The following BNC2 variants were observed in gnomAD, a reference collection of about 807,000 sequenced individuals.
The protein encoded by BNC2 is basonuclin zinc finger protein 2, also known as zinc finger protein basonuclin-2.
A neutral mutation model predicts 76.3 loss-of-function variants in BNC2; 20 were observed. The observed-to-expected ratio is 0.26, with a 90% CI of 0.18 to 0.38. The LOEUF is 0.38. BNC2 is among the 10% of genes least tolerant of loss of function. The pLI is 1.00. For synonymous variants in BNC2, 582 were observed against 514.8 expected (o/e 1.13, Z -1.77); for missense variants, 1,382 against 1,399.8 (o/e 0.99, Z 0.20).
intron 1 of BNC2, among the ~76,000 whole-genome samples, chr9:16,792,373 C>G (rs1312109047): frequency 6.6e-6 from 1 of 152,196 alleles, no homozygotes; most frequent in Non-Finnish European, 1.5e-5. Flanking sequence ...AACTTCATCA[C>G]TAACTTATCT....
At chr9:16,804,007 A>G (rs1817845749) in intron 1 of BNC2, among the ~76,000 whole-genome samples, 1 of 152,242 alleles carries the variant, frequency 6.6e-6, no homozygotes, top group African/African-American at 2.4e-5. Flanking sequence ...TTGTATAACA[A>G]TGAGCCTAAA....
At chr9:16,647,515 AG>A (rs1221545310) in intron 3 of BNC2, among the ~76,000 whole-genome samples, 9 of 152,156 alleles carry the variant, frequency 5.9e-5, no homozygotes, top group Non-Finnish European at 1.2e-4. Flanking sequence ...GAATGCAGAG[AG>A]AGTTTTTCTA....
At chr9:16,605,156 C>A (rs1361157937) in intron 3 of BNC2, among the ~76,000 whole-genome samples, 1 of 152,204 alleles carries the variant, frequency 6.6e-6, no homozygotes, top group African/African-American at 2.4e-5. Flanking sequence ...TGACCTCTAT[C>A]TAATTCACCA....
chr9:16,557,162 C>T (rs913581067), intron 4 of BNC2, among the ~76,000 whole-genome samples: 1 of 151,998 alleles, frequency 6.6e-6, no homozygotes, highest in African/African-American at 2.4e-5. Context: ...ATATTATGGG[C>T]CTAACCATCT....
chr9:16,849,682 C>T (rs1318524999), intron 1 of BNC2, among the ~76,000 whole-genome samples: 8 of 152,016 alleles, frequency 5.3e-5, no homozygotes, highest in Non-Finnish European at 2.9e-5. Flanking sequence ...GCATTTTACG[C>T]TGTGGAGAAG....
chr9:16,517,879 AG>A (rs1817487033), intron 5 of BNC2, among the ~76,000 whole-genome samples: 1 of 152,148 alleles, frequency 6.6e-6, no homozygotes, highest in East Asian at 1.9e-4. Flanking sequence ...AGATAATTGC[AG>A]AATTCTCAGC....
intron 3 of BNC2, among the ~76,000 whole-genome samples, chr9:16,694,048 T>C (rs1438077394): frequency 6.6e-6 from 1 of 152,124 alleles, no homozygotes; most frequent in Non-Finnish European, 1.5e-5. Context: ...AATGCTTTAT[T>C]TTGGGGGGAG....
rs79708891 is a variant in BNC2, at chr9:16,547,784, C to G, written c.669+4746G>C. On this transcript the variant is annotated intron_variant, in intron 5 of 6. Coordinates refer to ENST00000380672, the MANE Select transcript of BNC2 (RefSeq NM_017637.6). The stretch of plus-strand genomic sequence containing the variant: ...TGAGTGTGTTCAGAACTAAGTACTT[C>G]AAATGAGCTTGAAGGGAAGAGGTTA... Among the ~76,000 whole-genome samples, 45 of 152,242 alleles carry G rather than the reference C, an allele frequency of 3.0e-4. No homozygotes were observed. The East Asian group carries it at 4.6e-3, about 16-fold the overall frequency.
intron 3 of BNC2, among the ~76,000 whole-genome samples, chr9:16,677,938 T>C (rs1433793917): frequency 1.3e-5 from 2 of 152,220 alleles, no homozygotes; most frequent in Non-Finnish European, 2.9e-5. Context: ...TAAGTAATTA[T>C]AGATATAAAT....
chr9:16,849,097 T>C (rs930603355), intron 1 of BNC2, among the ~76,000 whole-genome samples: 5 of 152,160 alleles, frequency 3.3e-5, no homozygotes, highest in Non-Finnish European at 2.9e-5. Context: ...CAGGTTGTTC[T>C]AGCTTTCTTT....
intron 1 of BNC2, among the ~76,000 whole-genome samples, chr9:16,766,482 A>G (rs913257907): frequency 4.6e-5 from 7 of 152,168 alleles, no homozygotes; most frequent in Non-Finnish European, 7.4e-5. Flanking sequence ...ATGGGAACCC[A>G]GTTCCCACCC....
intron 3 of BNC2, among the ~76,000 whole-genome samples, chr9:16,656,102 G>A (rs1821921925): frequency 6.6e-6 from 1 of 152,198 alleles, no homozygotes; most frequent in Non-Finnish European, 1.5e-5. Context: ...GTAGCTATGA[G>A]TAGAGGTCAA....
At chr9:16,792,518 A>G (rs1817541166) in intron 1 of BNC2, among the ~76,000 whole-genome samples, 1 of 152,230 alleles carries the variant, frequency 6.6e-6, no homozygotes. Flanking sequence ...GTTTCTGGCA[A>G]AAGAACAAGG....
chr9:16,721,429 A>G (rs918398059), intron 3 of BNC2, among the ~76,000 whole-genome samples: 2 of 152,110 alleles, frequency 1.3e-5, no homozygotes, highest in Non-Finnish European at 2.9e-5. Context: ...GCCCAGCAAA[A>G]TGTAGAAGCC....
intron 3 of BNC2, among the ~76,000 whole-genome samples, chr9:16,661,640 A>G (rs1020489179): frequency 3.9e-5 from 6 of 152,210 alleles, no homozygotes; most frequent in African/African-American, 1.4e-4. Flanking sequence ...TTAAGCAGGC[A>G]TGAACATCTA....
intron 1 of BNC2, among the ~76,000 whole-genome samples, chr9:16,840,925 T>C (rs1256258112): frequency 1.3e-5 from 2 of 152,178 alleles, no homozygotes; most frequent in Admixed American, 6.5e-5. Context: ...TAGATAATAT[T>C]GTATCTAACA....
intron 1 of BNC2, among the ~76,000 whole-genome samples, chr9:16,794,565 C>G (rs1237055319): frequency 2.0e-5 from 3 of 152,162 alleles, no homozygotes. Context: ...TAGTCATTAT[C>G]ATCATCTAGG....
At chr9:16,585,872 G>T (rs1405398084) in intron 3 of BNC2, among the ~76,000 whole-genome samples, 1 of 151,874 alleles carries the variant, frequency 6.6e-6, no homozygotes, top group African/African-American at 2.4e-5. Flanking sequence ...ACCCTCTTCT[G>T]GGCACTCGGG....
At chr9:16,783,927 T>C (rs1301690062) in intron 1 of BNC2, among the ~76,000 whole-genome samples, 1 of 152,190 alleles carries the variant, frequency 6.6e-6, no homozygotes, top group Non-Finnish European at 1.5e-5. Flanking sequence ...TCGATACATA[T>C]ATGAAAATGT....
Sources: gnomAD v4.1 joint callset for allele counts (sites outside exome capture counted in the v4.1 genomes callset) on GRCh38, gnomAD v4.1.1 for gene constraint, MANE v1.5 for transcripts, NCBI Gene and HGNC (gene_info 2026-07-23, HGNC 2026-07-21) for gene names.